The following SCHIP1 variants were observed in gnomAD, a reference collection of about 807,000 sequenced individuals.
The protein encoded by SCHIP1 is schwannomin-interacting protein 1.
In SCHIP1, 8 loss-of-function variants were observed where a neutral mutation model predicts 29.7. The observed-to-expected ratio is 0.27, with a 90% CI of 0.16 to 0.49. The LOEUF (loss-of-function observed/expected upper bound fraction) is 0.49, where lower values mean the gene tolerates loss of function less well. Ranked by LOEUF, SCHIP1 falls within the 20% of genes least tolerant of loss-of-function variation. The probability of loss-of-function intolerance (pLI) is 0.99; values close to 1 mark genes in which losing one functional copy is unlikely to be tolerated. For missense variants in SCHIP1, 193 were observed against 294.6 expected, an observed-to-expected ratio of 0.66 and a Z score of 2.52; for synonymous variants, 76 against 94.9, an observed-to-expected ratio of 0.80 and a Z score of 1.16.
At chr3:159,477,826 G>A in the SCHIP1 span, among the ~76,000 whole-genome samples, 1,376 of 151,732 alleles carry the variant, frequency 9.1e-3, 26 homozygotes, top group African/African-American at 0.032. Flanking sequence ...AATGCTTCCA[G>A]GGTCATATTC....
chr3:159,609,771 C>T, the SCHIP1 span, among the ~76,000 whole-genome samples: 3 of 151,972 alleles, frequency 2.0e-5, no homozygotes, highest in African/African-American at 7.3e-5. Flanking sequence ...AAACATCTGT[C>T]CTATTTAAGC....
the SCHIP1 span, among the ~76,000 whole-genome samples, chr3:159,612,618 G>A: frequency 6.6e-6 from 1 of 152,136 alleles, no homozygotes; most frequent in African/African-American, 2.4e-5. Context: ...GTGGTGGCGG[G>A]CACCTGTAAT....
At chr3:159,491,478 G>T in the SCHIP1 span, among the ~76,000 whole-genome samples, 1 of 152,186 alleles carries the variant, frequency 6.6e-6, no homozygotes, top group Admixed American at 6.5e-5. Flanking sequence ...GGCTTGGAGG[G>T]TCCTAGGCCC....
chr3:159,750,261 GTGTA>G, the SCHIP1 span, among the ~76,000 whole-genome samples: 7 of 11,816 alleles, frequency 5.9e-4, no homozygotes, highest in African/African-American at 1.1e-3. Context: ...GTATGTGTGT[GTGTA>G]TATATATATA....
At chr3:159,744,579 C>G in the SCHIP1 span, among the ~76,000 whole-genome samples, 1 of 152,170 alleles carries the variant, frequency 6.6e-6, no homozygotes, top group Admixed American at 6.5e-5. Flanking sequence ...ATTTTCCTGT[C>G]CAAAGTTGAA....
chr3:159,432,978 C>T, the SCHIP1 span, among the ~76,000 whole-genome samples: 1 of 151,912 alleles, frequency 6.6e-6, no homozygotes, highest in Non-Finnish European at 1.5e-5. Flanking sequence ...GTAGGGCAGC[C>T]CTTGTAAAGT....
chr3:159,478,882 T>G, the SCHIP1 span, among the ~76,000 whole-genome samples: 1 of 152,146 alleles, frequency 6.6e-6, no homozygotes, highest in African/African-American at 2.4e-5. Context: ...TATATAGAAA[T>G]GCTACTGAGT....
At chr3:159,648,153 C>A in the SCHIP1 span, among the ~76,000 whole-genome samples, 6 of 152,196 alleles carry the variant, frequency 3.9e-5, no homozygotes, top group Non-Finnish European at 8.8e-5. Flanking sequence ...CAGGCACACT[C>A]CTCTCTACTC....
chr3:159,670,411 T>C, the SCHIP1 span, among the ~76,000 whole-genome samples: 1 of 152,196 alleles, frequency 6.6e-6, no homozygotes, highest in Non-Finnish European at 1.5e-5. Context: ...CAATGTTTAG[T>C]TGAATTTAAA....
At chr3:159,510,963 C>G in the SCHIP1 span, among the ~76,000 whole-genome samples, 1 of 152,200 alleles carries the variant, frequency 6.6e-6, no homozygotes, top group African/African-American at 2.4e-5. Flanking sequence ...TCTCAAACTC[C>G]GTGCTGGGAG....
At chr3:159,502,677 T>C in the SCHIP1 span, among the ~76,000 whole-genome samples, 1 of 150,836 alleles carries the variant, frequency 6.6e-6, no homozygotes, top group Non-Finnish European at 1.5e-5. Flanking sequence ...CAGAGTGTGA[T>C]GTTCCCCTTC....
At chr3:159,867,666 A>G (rs112844550) in intron 2 of SCHIP1, among the ~76,000 whole-genome samples, 1,540 of 152,160 alleles carry the variant, frequency 0.01, 31 homozygotes, top group African/African-American at 0.035. Context: ...TTCCCTTAGG[A>G]GCACCTCTTT....
chr3:159,301,588 T>C, the SCHIP1 span, among the ~76,000 whole-genome samples: 4 of 151,772 alleles, frequency 2.6e-5, no homozygotes, highest in African/African-American at 9.7e-5. Context: ...TAATGGGAGG[T>C]GATTAGATTA....
intron 1 of SCHIP1, among the ~76,000 whole-genome samples, chr3:159,859,186 C>T (rs1222468627): frequency 2.6e-5 from 4 of 152,236 alleles, no homozygotes; most frequent in Admixed American, 6.5e-5. Flanking sequence ...TGACATTCAA[C>T]AGCATACAAT....
chr3:159,533,633 C>A, the SCHIP1 span, among the ~76,000 whole-genome samples: 2 of 152,248 alleles, frequency 1.3e-5, no homozygotes, highest in South Asian at 2.1e-4. Context: ...TCTGCCCCCC[C>A]ACATCTCTGT....
chr3:159,691,429 T>C, the SCHIP1 span, among the ~76,000 whole-genome samples: 2 of 150,624 alleles, frequency 1.3e-5, no homozygotes, highest in African/African-American at 2.4e-5. Flanking sequence ...TTTTTTTTTT[T>C]TTTTTTGCTT....
the SCHIP1 span, among the ~76,000 whole-genome samples, chr3:159,440,042 C>T: frequency 1.3e-5 from 2 of 152,070 alleles, no homozygotes; most frequent in South Asian, 2.1e-4. Flanking sequence ...TTGGGTTTTA[C>T]ATTTAAGACT....
the SCHIP1 span, among the ~76,000 whole-genome samples, chr3:159,418,180 C>A: frequency 6.6e-6 from 1 of 152,176 alleles, no homozygotes; most frequent in Non-Finnish European, 1.5e-5. Flanking sequence ...TTTTCACTAA[C>A]TGCAAAATAT....
chr3:159,520,467 C>T, the SCHIP1 span, among the ~76,000 whole-genome samples: 1 of 152,186 alleles, frequency 6.6e-6, no homozygotes, highest in Non-Finnish European at 1.5e-5. Flanking sequence ...CCAGATCTGA[C>T]TTGTGTGAAG....
Sources: gnomAD v4.1 joint callset for allele counts (sites outside exome capture counted in the v4.1 genomes callset) on GRCh38, gnomAD v4.1.1 for gene constraint, MANE v1.5 for transcripts, NCBI Gene and HGNC (gene_info 2026-07-23, HGNC 2026-07-21) for gene names.